The following RYR3 variants were observed in gnomAD, a reference collection of about 807,000 sequenced individuals.
RYR3 encodes brain ryanodine receptor-calcium release channel.
RYR3 carries 207 observed loss-of-function variants against 584.3 expected under a neutral mutation model. The observed-to-expected ratio is 0.35, with a 90% CI of 0.32 to 0.40. RYR3 has a LOEUF of 0.40. Ranked by LOEUF, RYR3 falls within the 10% of genes least tolerant of loss-of-function variation. RYR3 has a pLI of 1.00. For missense variants in RYR3, 5,616 were observed against 6,089.2 expected (o/e 0.92, Z 2.59); for synonymous variants, 2,416 against 2,248.5 (o/e 1.07, Z -2.11).
intron 37 of RYR3, 94 bp from the exon 38 acceptor site, chr15:33,670,321 TCCAG>T (rs1190222303): frequency 7.9e-7 from 1 of 1,264,456 alleles, no homozygotes; most frequent in Non-Finnish European, 1.1e-6. Context: ...TTTAGAAAGT[TCCAG>T]AAGGATGGGA....
At chr15:33,807,805 C>A in intron 70 of RYR3, 1 of 565,730 alleles carries the variant, frequency 1.8e-6, no homozygotes, top group Admixed American at 3.0e-5. Context: ...ACCGAGGTCT[C>A]CTTGCTATCT....
chr15:33,719,152 T>A (rs954857969), intron 43 of RYR3, among the ~76,000 whole-genome samples: 1 of 152,230 alleles, frequency 6.6e-6, no homozygotes, highest in African/African-American at 2.4e-5. Flanking sequence ...ATGGTTGCAC[T>A]TCAGCTCCTT....
chr15:33,571,462 A>G (rs2058024153), intron 12 of RYR3, among the ~76,000 whole-genome samples: 1 of 152,042 alleles, frequency 6.6e-6, no homozygotes, highest in South Asian at 2.1e-4. Context: ...TTTTTGCTTC[A>G]CATATTTTGG....
chr15:33,832,392 C>A lies in RYR3; in HGVS notation c.11463+1301C>A, dbSNP rs116359634. Among the ~76,000 whole-genome samples the A allele has an allele frequency of 4.5e-3, 681 of 152,154 alleles. 3 individuals are homozygous for A. Among genetic ancestry groups the A allele is most frequent in the African/African-American group, 0.016 (647 of 41,508 alleles). Reference sequence around the variant, plus strand: ...ATATGTGGCCGGGCACGGTGGCTCACGCAAGTAATCCCAACTCTTTGGGAG... The same window carrying A: ...ATATGTGGCCGGGCACGGTGGCTCAAGCAAGTAATCCCAACTCTTTGGGAG... On this transcript the variant is annotated intron_variant, in intron 86 of 103. Coordinates refer to ENST00000634891, the MANE Select transcript of RYR3 (RefSeq NM_001036.6).
intron 1 of RYR3, among the ~76,000 whole-genome samples, chr15:33,455,684 G>A (rs560573786): frequency 6.6e-6 from 1 of 152,288 alleles, no homozygotes; most frequent in South Asian, 2.1e-4. Flanking sequence ...ACACATTGTA[G>A]AACAAACGGG....
chr15:33,327,913 GTTAC>G (rs1969920901), intron 1 of RYR3, among the ~76,000 whole-genome samples: 1 of 152,130 alleles, frequency 6.6e-6, no homozygotes. Context: ...TTCTTACCTA[GTTAC>G]TTATGAAAAT....
chr15:33,746,739 C>T lies in RYR3; in HGVS notation c.7989+582C>T, dbSNP rs140688972. On this transcript the variant is annotated intron_variant, in intron 53 of 103. Coordinates refer to ENST00000634891, the MANE Select transcript of RYR3 (RefSeq NM_001036.6). ...ACTGCACTCCAGCCTGGTGACAGAG[C>T]GAGACTCCATCTCAAAGAAAAGAAA... Among the ~76,000 whole-genome samples, 1,401 of 151,338 alleles carry T rather than the reference C, an allele frequency of 9.3e-3. 23 individuals are homozygous for T. The highest frequency in any genetic ancestry group is 0.033 in the African/African-American group (1,345 of 41,260).
chr15:33,619,764 C>T (rs1277386034), intron 19 of RYR3, among the ~76,000 whole-genome samples: 1 of 152,164 alleles, frequency 6.6e-6, no homozygotes, highest in East Asian at 1.9e-4. Context: ...CCCTGATTGG[C>T]CAGCTCCTAT....
At chr15:33,330,987 C>G (rs75450303) in intron 1 of RYR3, among the ~76,000 whole-genome samples, 2,801 of 152,240 alleles carry the variant, frequency 0.018, 90 homozygotes, top group African/African-American at 0.064. Context: ...GGATCTCCCC[C>G]TGTAGCTGCT....
rs1226984086 is a variant in RYR3 at position 33,636,546 on chromosome 15, G to A, written c.3552G>A (p.Glu1184=). Residue 1184 remains glutamate, a synonymous_variant, in exon 27 of 104, where the codon GAG becomes GAA. Transcript: ENST00000634891. Reference sequence around the variant, plus strand: ...TTGCCTTCGCTGACTACGAGATTGAGAATGGTAAATCTAACACCCTCTGCC... The same window carrying A: ...TTGCCTTCGCTGACTACGAGATTGAAAATGGTAAATCTAACACCCTCTGCC... ...SELAFADYEI[E]NGFVPICCLG... 8.8e-6 allele frequency: 14 copies of A among 1,585,256 alleles called. No homozygotes were observed. Among genetic ancestry groups the A allele is most frequent in the Non-Finnish European group, 1.1e-5 (13 of 1,167,012 alleles).
chr15:33,460,925 G>A (rs1041972271), intron 1 of RYR3, among the ~76,000 whole-genome samples: 1 of 133,306 alleles, frequency 7.5e-6, no homozygotes, highest in Non-Finnish European at 1.6e-5. Flanking sequence ...GGAATTTGTG[G>A]CACATAATAT....
intron 38 of RYR3, among the ~76,000 whole-genome samples, chr15:33,693,130 G>A (rs1392486261): frequency 6.6e-6 from 1 of 152,192 alleles, no homozygotes; most frequent in Non-Finnish European, 1.5e-5. Flanking sequence ...GTACTGACGG[G>A]ACTAGAAAAA....
chr15:33,806,270 A>T (rs866726052), intron 69 of RYR3, among the ~76,000 whole-genome samples: 20 of 152,324 alleles, frequency 1.3e-4, no homozygotes, highest in Middle Eastern at 3.4e-3. Flanking sequence ...TCAACTGTCT[A>T]ATCATTATAA....
chr15:33,492,855 C>G (rs1173307691), intron 2 of RYR3, among the ~76,000 whole-genome samples: 4 of 152,138 alleles, frequency 2.6e-5, no homozygotes, highest in African/African-American at 9.7e-5. Context: ...TCTCAGTGTT[C>G]CGCTTCCTGT....
At chr15:33,711,553 T>G (rs1050779847) in intron 43 of RYR3, among the ~76,000 whole-genome samples, 1 of 152,188 alleles carries the variant, frequency 6.6e-6, no homozygotes, top group Non-Finnish European at 1.5e-5. Flanking sequence ...ACCAGGCCAC[T>G]TCTTGAACAC....
intron 102 of RYR3, among the ~76,000 whole-genome samples, chr15:33,861,898 C>G (rs918678782): frequency 4.6e-5 from 7 of 152,092 alleles, no homozygotes; most frequent in African/African-American, 1.7e-4. Flanking sequence ...GCTAGGATTA[C>G]AGGTGTGAGC....
intron 3 of RYR3, among the ~76,000 whole-genome samples, chr15:33,508,831 C>T (rs2052710267): frequency 6.6e-6 from 1 of 152,266 alleles, no homozygotes; most frequent in African/African-American, 2.4e-5. Flanking sequence ...TTATTCTTGT[C>T]TTTACAGTAG....
Position 33,819,814 on chromosome 15 carries a change from C to A in RYR3, c.10758+7C>A, listed in dbSNP as rs2077017461. On this transcript the variant is annotated splice_region_variant and intron_variant, in intron 77 of 103. Coordinates refer to ENST00000634891, the MANE Select transcript of RYR3 (RefSeq NM_001036.6). ...TTCCAGCATGATGGCCAAGGTACAC[C>A]CAGGTTTTCTGCCCATTGTCTCTGT... 1.9e-6 allele frequency: 3 copies of A among 1,585,886 alleles called. No individual in the cohort carries two copies. Among genetic ancestry groups the A allele is most frequent in the Middle Eastern group, 1.7e-4 (1 of 5,946 alleles).
At chr15:33,329,591 G>A (rs951180564) in intron 1 of RYR3, among the ~76,000 whole-genome samples, 1 of 152,132 alleles carries the variant, frequency 6.6e-6, no homozygotes, top group Non-Finnish European at 1.5e-5. Context: ...TTTGTCGAAA[G>A]AACTGGAACA....
Sources: gnomAD v4.1 joint callset for allele counts (sites outside exome capture counted in the v4.1 genomes callset) on GRCh38, gnomAD v4.1.1 for gene constraint, MANE v1.5 for transcripts, NCBI Gene and HGNC (gene_info 2026-07-23, HGNC 2026-07-21) for gene names.